GRIA4: variants seen among roughly 807,000 people sequenced by gnomAD.
GRIA4 encodes glutamate receptor 4.
In GRIA4, 34 loss-of-function variants were observed where a neutral mutation model predicts 104.0. That is an observed-to-expected ratio of 0.33 (90% confidence interval 0.25 to 0.44). GRIA4 has a LOEUF of 0.44. GRIA4 is among the 20% of genes least tolerant of loss of function. GRIA4 has a pLI of 1.00. For synonymous variants in GRIA4, 386 were observed against 381.9 expected, an observed-to-expected ratio of 1.01 and a Z score of -0.13; for missense variants, 750 against 1,096.5, an observed-to-expected ratio of 0.68 and a Z score of 4.46.
chr11:105,941,998 A>T (rs896511648), intron 14 of GRIA4, among the ~76,000 whole-genome samples: 2 of 152,166 alleles, frequency 1.3e-5, no homozygotes, highest in Non-Finnish European at 2.9e-5. Flanking sequence ...AACTAGAACC[A>T]CAAAAAATCA....
intron 13 of GRIA4, among the ~76,000 whole-genome samples, chr11:105,932,709 T>C (rs1947917840): frequency 6.6e-6 from 1 of 152,062 alleles, no homozygotes; most frequent in African/African-American, 2.4e-5. Context: ...AAAATAGGAA[T>C]CACTTCTCTT....
chr11:105,751,873 A>T (rs1565516917), intron 3 of GRIA4, among the ~76,000 whole-genome samples: 1 of 152,200 alleles, frequency 6.6e-6, no homozygotes, highest in Non-Finnish European at 1.5e-5. Flanking sequence ...AGCTAATACA[A>T]GTAAGATTAG....
chr11:105,662,626 C>T, intron 3 of GRIA4, among the ~76,000 whole-genome samples: 1 of 152,048 alleles, frequency 6.6e-6, no homozygotes, highest in South Asian at 2.1e-4. Flanking sequence ...AATGGTTTTA[C>T]TTCTTTACTC....
intron 3 of GRIA4, among the ~76,000 whole-genome samples, chr11:105,653,071 C>A (rs1211499795): frequency 6.6e-6 from 1 of 152,054 alleles, no homozygotes; most frequent in African/African-American, 2.4e-5. Flanking sequence ...GCCACCACAC[C>A]CGACTAATTT....
chr11:105,794,297 G>C (rs187093527), intron 4 of GRIA4, among the ~76,000 whole-genome samples: 1 of 150,616 alleles, frequency 6.6e-6, no homozygotes, highest in Non-Finnish European at 1.5e-5. Context: ...TGAAATGCTA[G>C]AGACTGCTTT....
chr11:105,876,814 A>G (rs1040047412), intron 5 of GRIA4, among the ~76,000 whole-genome samples: 16 of 152,154 alleles, frequency 1.1e-4, no homozygotes, highest in African/African-American at 3.6e-4. Context: ...GTGTCTTTGC[A>G]CATGAGATGG....
At chr11:105,806,616 A>G (rs542443076) in intron 4 of GRIA4, among the ~76,000 whole-genome samples, 2 of 152,022 alleles carry the variant, frequency 1.3e-5, no homozygotes, top group East Asian at 3.9e-4. Context: ...AGTTTAGAGA[A>G]GATGTGCCAT....
intron 4 of GRIA4, among the ~76,000 whole-genome samples, chr11:105,839,816 AT>A (rs1477550724): frequency 2.6e-5 from 4 of 152,140 alleles, no homozygotes; most frequent in African/African-American, 7.2e-5. Context: ...TCTCTAGTTA[AT>A]TCTCTAATTA....
At chr11:105,884,633 C>A (rs73542812) in intron 5 of GRIA4, among the ~76,000 whole-genome samples, 10,616 of 152,240 alleles carry the variant, frequency 0.07, 413 homozygotes, top group Middle Eastern at 0.088. Context: ...GATCCCTGCT[C>A]CCCAAGCTCT....
At chr11:105,740,697 C>T (rs539211413) in intron 3 of GRIA4, among the ~76,000 whole-genome samples, 1 of 152,190 alleles carries the variant, frequency 6.6e-6, no homozygotes, top group South Asian at 2.1e-4. Context: ...AAACGGTCTC[C>T]CTGAGGAGTG....
intron 4 of GRIA4, among the ~76,000 whole-genome samples, chr11:105,785,658 C>A (rs929323278): frequency 6.6e-6 from 1 of 152,000 alleles, no homozygotes; most frequent in African/African-American, 2.4e-5. Context: ...GTTATATGAA[C>A]ATTAAAAGTT....
chr11:105,700,417 A>G (rs773060884), intron 3 of GRIA4, among the ~76,000 whole-genome samples: 58 of 152,260 alleles, frequency 3.8e-4, no homozygotes, highest in Non-Finnish European at 1.0e-4. Context: ...GATCATCCCT[A>G]TTAGTAGTTC....
At chr11:105,655,349 T>C (rs556331305) in intron 3 of GRIA4, among the ~76,000 whole-genome samples, 1 of 152,134 alleles carries the variant, frequency 6.6e-6, no homozygotes, top group Non-Finnish European at 1.5e-5. Flanking sequence ...TTCTTTTTTT[T>C]AAATTATACT....
intron 4 of GRIA4, among the ~76,000 whole-genome samples, chr11:105,843,936 G>A (rs1944482400): frequency 1.3e-5 from 2 of 152,146 alleles, no homozygotes; most frequent in African/African-American, 4.8e-5. Flanking sequence ...ACAAAAAGAA[G>A]AGGAATTTGA....
chr11:105,949,374 C>T (rs548814), intron 14 of GRIA4, among the ~76,000 whole-genome samples: 84,606 of 151,946 alleles, frequency 0.56, 23,584 homozygotes, highest in South Asian at 0.61. Flanking sequence ...CAAAATAGCA[C>T]GAGGTTAATT....
rs768534010 is a variant in GRIA4, at chr11:105,905,211, G to T, written c.1068G>T (p.Gly356=). 1.1e-5 allele frequency: 18 copies of T among 1,599,622 alleles called. No individual in the cohort carries two copies. The highest frequency in any genetic ancestry group is 1.5e-5 in the Non-Finnish European group (18 of 1,167,154). The change falls in exon 9 of 17, where the codon GGG becomes GGT. Residue 356 remains glycine (G), a synonymous_variant. Coordinates refer to ENST00000282499, the MANE Select transcript of GRIA4 (RefSeq NM_000829.4). Reference sequence around the variant, plus strand: ...TTTTCACTTAGGTTCGAATTCAAGGGCTGACAGGGAATGTTCAGTTTGACC... The same window carrying T: ...TTTTCACTTAGGTTCGAATTCAAGGTCTGACAGGGAATGTTCAGTTTGACC... ...ERTLKQVRIQ[G]LTGNVQFDHY...
chr11:105,612,532 C>T lies in GRIA4; in HGVS notation c.247+98C>T, dbSNP rs149589990. 3.4e-3 allele frequency: 3,201 copies of T among 953,138 alleles called. 8 individuals carry two copies. The highest frequency in any genetic ancestry group is 4.2e-3 in the Non-Finnish European group (2,689 of 647,806). The allele number at this position is 953,138 out of a possible 1,614,324, so 59.0% of individuals were successfully genotyped here. On this transcript the variant is annotated intron_variant, in intron 3 of 16. Coordinates refer to ENST00000282499, the MANE Select transcript of GRIA4 (RefSeq NM_000829.4). ...TATTTAATTTTTTTAGAAAGAATTT[C>T]AAGATTCCCACAGTTGCCTGGTTTC...
chr11:105,718,025 A>C (rs2135567289), intron 3 of GRIA4, among the ~76,000 whole-genome samples: 1 of 152,166 alleles, frequency 6.6e-6, no homozygotes, highest in South Asian at 2.1e-4. Context: ...ATAGGTGGGA[A>C]CTGAACAATG....
chr11:105,880,694 TTAGAAA>T (rs1452303529), intron 5 of GRIA4, among the ~76,000 whole-genome samples: 1 of 152,194 alleles, frequency 6.6e-6, no homozygotes, highest in Non-Finnish European at 1.5e-5. Flanking sequence ...GAAAATTTTG[TTAGAAA>T]TAGAAATAAT....
Sources: gnomAD v4.1 joint callset for allele counts (sites outside exome capture counted in the v4.1 genomes callset) on GRCh38, gnomAD v4.1.1 for gene constraint, MANE v1.5 for transcripts, NCBI Gene and HGNC (gene_info 2026-07-23, HGNC 2026-07-21) for gene names.